Variants in BBS9 observed in about 807,000 individuals in gnomAD.
BBS9 encodes the protein protein PTHB1.
A neutral mutation model predicts 117.7 loss-of-function variants in BBS9; 89 were observed. That is an observed-to-expected ratio of 0.76 (90% CI 0.64 to 0.90). The LOEUF is 0.90. BBS9 is among the 40% of genes least tolerant of loss of function. The pLI, the probability that BBS9 is intolerant of heterozygous loss-of-function variation, is 0.00. For missense variants in BBS9, 982 were observed against 1,042.2 expected (o/e 0.94, Z 0.80); for synonymous variants, 379 against 370.9 (o/e 1.02, Z -0.25).
intron 21 of BBS9, among the ~76,000 whole-genome samples, chr7:33,592,385 A>G (rs1056131457): frequency 1.3e-5 from 2 of 152,124 alleles, no homozygotes; most frequent in African/African-American, 4.8e-5. Flanking sequence ...CTCAAGATAC[A>G]TGATACTTGC....
At chr7:33,368,754 A>G (rs1416827013) in intron 17 of BBS9, among the ~76,000 whole-genome samples, 1 of 152,152 alleles carries the variant, frequency 6.6e-6, no homozygotes, top group East Asian at 1.9e-4. Flanking sequence ...TAAGAGTACA[A>G]TAAGGCCATC....
intron 22 of BBS9, 91 bp from the exon 23 acceptor site, chr7:33,605,104 G>A (rs1864400005): frequency 1.4e-6 from 2 of 1,470,792 alleles, no homozygotes; most frequent in Non-Finnish European, 1.9e-6. Context: ...CTTCCCCTTA[G>A]CACTGGTGCA....
At chr7:33,172,225 C>G (rs1019272867) in intron 4 of BBS9, among the ~76,000 whole-genome samples, 8 of 151,802 alleles carry the variant, frequency 5.3e-5, no homozygotes, top group Non-Finnish European at 1.2e-4. Flanking sequence ...CTAAAAAATA[C>G]AAAAAATTAG....
intron 19 of BBS9, among the ~76,000 whole-genome samples, chr7:33,430,910 C>T (rs1347583259): frequency 1.3e-5 from 2 of 151,886 alleles, no homozygotes; most frequent in Non-Finnish European, 2.9e-5. Context: ...TGGTACTGGC[C>T]TGGCATGGTG....
At chr7:33,352,140 T>C (rs565463367) in intron 14 of BBS9, 1 of 152,926 alleles carries the variant, frequency 6.5e-6, no homozygotes, top group East Asian at 1.9e-4. Context: ...AATAATATTA[T>C]GGATTACTCC....
chr7:33,384,997 G>A (rs144367055), intron 18 of BBS9, among the ~76,000 whole-genome samples: 1 of 152,042 alleles, frequency 6.6e-6, no homozygotes, highest in Non-Finnish European at 1.5e-5. Context: ...TTTAGGTATC[G>A]TATGGAATGA....
intron 16 of BBS9, among the ~76,000 whole-genome samples, chr7:33,362,915 T>A (rs1170502165): frequency 6.6e-6 from 1 of 152,010 alleles, no homozygotes; most frequent in Non-Finnish European, 1.5e-5. Context: ...CTAGTTTTTT[T>A]AAGATGAAAA....
intron 19 of BBS9, among the ~76,000 whole-genome samples, chr7:33,471,906 T>G (rs1220793924): frequency 6.6e-6 from 1 of 152,228 alleles, no homozygotes; most frequent in Non-Finnish European, 1.5e-5. Context: ...TAGAGCAGAC[T>G]GGTAATGGTG....
intron 19 of BBS9, among the ~76,000 whole-genome samples, chr7:33,454,795 G>A (rs569667834): frequency 1.4e-4 from 21 of 152,278 alleles, no homozygotes; most frequent in African/African-American, 5.1e-4. Flanking sequence ...GGAATTCTGT[G>A]CTAAAAAGAA....
chr7:33,141,101 A>T (rs191624047), intron 1 of BBS9, among the ~76,000 whole-genome samples: 42 of 152,286 alleles, frequency 2.8e-4, no homozygotes, highest in African/African-American at 9.6e-4. Context: ...GGTCTCTGTT[A>T]CATAGGCTGG....
rs545059382 is a variant in BBS9, at chr7:33,573,248, A to G, written c.2522-31617A>G. On this transcript the variant is annotated intron_variant, in intron 21 of 22. Coordinates refer to ENST00000242067, the MANE Select transcript of BBS9 (RefSeq NM_198428.3). ...TTTTAGTATAGGATATTATTAAGAA[A>G]CCAGTATCTGAGTAGTAGTTGTGCT... Among the ~76,000 whole-genome samples, 61 of 152,210 alleles carry G rather than the reference A, an allele frequency of 4.0e-4. 1 individual carries two copies. In the South Asian group the frequency reaches 0.011, roughly 28 times the overall value.
At chr7:33,289,094 T>C (rs1803481697) in intron 9 of BBS9, among the ~76,000 whole-genome samples, 1 of 152,186 alleles carries the variant, frequency 6.6e-6, no homozygotes, top group African/African-American at 2.4e-5. Flanking sequence ...TTCCCTTCTC[T>C]AAGATAATTG....
In BBS9 at chr7:33,336,561, T is replaced by A. The variant is rs1182595664; in HGVS notation, c.1137T>A (p.Asp379Glu). Residue 379 changes from aspartate (D) to glutamate (E), a missense_variant, in exon 10 of 23, where the codon GAT (aspartate) becomes GAA (glutamate). By Grantham distance (45) the Asp-to-Glu change is conservative. Transcript: ENST00000242067. ...TTCAATCTCGAGAACTAAACTATGATGAACTTGATGTAGAAATGAAAGAAC... is the reference window on the plus strand; with the variant it reads ...TTCAATCTCGAGAACTAAACTATGAAGAACTTGATGTAGAAATGAAAGAAC... The part of the protein sequence containing the change: ...PNVQSRELNY[D>E]ELDVEMKELQ... 6.2e-7 allele frequency: 1 copy of A among 1,613,186 alleles called. No homozygotes were observed. The highest frequency in any genetic ancestry group is 1.3e-5 in the African/African-American group (1 of 74,906).
chr7:33,381,269 C>T (rs1215487775), intron 17 of BBS9, among the ~76,000 whole-genome samples: 9 of 152,132 alleles, frequency 5.9e-5, no homozygotes, highest in Admixed American at 5.2e-4. Flanking sequence ...GCAAGGTCAG[C>T]CCTAATGATT....
chr7:33,385,917 C>T (rs1396383620), intron 18 of BBS9, among the ~76,000 whole-genome samples: 2 of 151,838 alleles, frequency 1.3e-5, no homozygotes, highest in Non-Finnish European at 2.9e-5. Context: ...TAATTAGCTA[C>T]TGAGTGCTTC....
At chr7:33,462,331 G>A (rs1037126307) in intron 19 of BBS9, among the ~76,000 whole-genome samples, 1 of 152,038 alleles carries the variant, frequency 6.6e-6, no homozygotes, top group Non-Finnish European at 1.5e-5. Flanking sequence ...ATTGATTGAG[G>A]AAATATGTAA....
At chr7:33,188,080 A>ATGTGTGTGTGTG (rs145485929) in intron 5 of BBS9, among the ~76,000 whole-genome samples, 2,508 of 72,924 alleles carry the variant, frequency 0.034, 101 homozygotes, top group East Asian at 0.076. Flanking sequence ...AGTTGAGTGA[A>ATGTGTGTGTGTG]TGTGTGTGTG....
At chr7:33,504,534 C>A (rs1845883572) in intron 19 of BBS9, among the ~76,000 whole-genome samples, 1 of 152,144 alleles carries the variant, frequency 6.6e-6, no homozygotes, top group Admixed American at 6.5e-5. Flanking sequence ...CATCTGAACT[C>A]CAGTCCCCCA....
Position 33,303,492 on chromosome 7 carries a change from C to CT in BBS9, c.1016+29543dup, listed in dbSNP as rs374691602. ...AGAGGATGTTGAATTTTCTCAAATG[C>CT]TTTTTTTAGTATCAACTGAAATGAT... On this transcript the variant is annotated intron_variant, in intron 9 of 22. Transcript: ENST00000242067. Among the ~76,000 whole-genome samples, 1,135 of 141,630 alleles carry CT rather than the reference C, an allele frequency of 8.0e-3. 18 individuals are homozygous for CT. The highest frequency in any genetic ancestry group is 0.028 in the African/African-American group (1,085 of 38,508). The allele number at this position is 141,630 out of a possible 152,430, so 92.9% of individuals were successfully genotyped here.
Sources: gnomAD v4.1 joint callset for allele counts (sites outside exome capture counted in the v4.1 genomes callset) on GRCh38, gnomAD v4.1.1 for gene constraint, MANE v1.5 for transcripts, NCBI Gene and HGNC (gene_info 2026-07-23, HGNC 2026-07-21) for gene names.